The following ARHGAP15 variants were observed in gnomAD, a reference collection of about 807,000 sequenced individuals.
ARHGAP15 encodes the protein rho GTPase-activating protein 15.
Under a neutral mutation model 63.7 loss-of-function variants are expected in ARHGAP15, and 51 were observed. That is an observed-to-expected ratio of 0.80 (90% CI 0.64 to 1.01). The LOEUF (loss-of-function observed/expected upper bound fraction) is 1.01. ARHGAP15 is among the 50% of genes least tolerant of loss of function. The pLI is 0.00. For synonymous variants in ARHGAP15, 191 were observed against 193.8 expected (o/e 0.99, Z 0.12); for missense variants, 560 against 564.6 (o/e 0.99, Z 0.08).
At chr2:143,454,334 A>G (rs78726367) in intron 8 of ARHGAP15, among the ~76,000 whole-genome samples, 5 of 152,166 alleles carry the variant, frequency 3.3e-5, no homozygotes, top group Admixed American at 6.6e-5. Context: ...TACTCTTTCA[A>G]TATGCTAAGA....
intron 8 of ARHGAP15, among the ~76,000 whole-genome samples, chr2:143,447,605 G>T (rs1690203580): frequency 6.6e-6 from 1 of 152,160 alleles, no homozygotes. Context: ...GCAAGTGCCT[G>T]GAGGTATAAG....
At position 143,625,729 on chromosome 2, in the gene ARHGAP15, T is replaced by C. The variant is rs375331081; in HGVS notation, c.1138+1462T>C. ...GGAACACCCAAGCAACTTACAATGT[T>C]GGAACAGCGTTCTGGTAGGAAATTG... On this transcript the variant is annotated intron_variant, in intron 12 of 13. Transcript: ENST00000295095. Among the ~76,000 whole-genome samples, 6 of 152,206 alleles carry C rather than the reference T, an allele frequency of 3.9e-5. No individual in the cohort carries two copies. The East Asian group carries it at 5.8e-4, about 15-fold the overall frequency.
At chr2:143,320,421 C>CG (rs1265362730) in intron 6 of ARHGAP15, among the ~76,000 whole-genome samples, 3 of 106,704 alleles carry the variant, frequency 2.8e-5, no homozygotes, top group Non-Finnish European at 4.0e-5. Flanking sequence ...CCCCCCCCCC[C>CG]CAGAGATCCT....
At chr2:143,754,045 C>T (rs1422466507) in intron 13 of ARHGAP15, among the ~76,000 whole-genome samples, 3 of 152,312 alleles carry the variant, frequency 2.0e-5, no homozygotes, top group Admixed American at 1.3e-4. Flanking sequence ...ATTGTGCCAA[C>T]ATTAAAATTA....
intron 1 of ARHGAP15, among the ~76,000 whole-genome samples, chr2:143,151,230 T>G (rs969800684): frequency 6.6e-6 from 1 of 152,002 alleles, no homozygotes; most frequent in Admixed American, 6.6e-5. Flanking sequence ...TTGAGCAGGC[T>G]TTGCAATGGA....
intron 3 of ARHGAP15, among the ~76,000 whole-genome samples, chr2:143,209,557 TAAAA>T (rs3070816): frequency 2.2e-4 from 33 of 148,486 alleles, no homozygotes; most frequent in African/African-American, 6.9e-4. Flanking sequence ...TGTGCTATGA[TAAAA>T]AAAAAACAAG....
intron 11 of ARHGAP15, among the ~76,000 whole-genome samples, chr2:143,582,663 A>G (rs992670896): frequency 6.6e-6 from 1 of 152,220 alleles, no homozygotes. Context: ...TGGGAACAGT[A>G]GAACTAAAAG....
At chr2:143,721,483 G>A (rs1029345924) in intron 13 of ARHGAP15, among the ~76,000 whole-genome samples, 2 of 152,210 alleles carry the variant, frequency 1.3e-5, no homozygotes, top group African/African-American at 4.8e-5. Context: ...TCCAGCTGTA[G>A]TGCTGTGGCA....
At chr2:143,578,136 C>A (rs958841014) in intron 11 of ARHGAP15, among the ~76,000 whole-genome samples, 2 of 152,104 alleles carry the variant, frequency 1.3e-5, no homozygotes, top group African/African-American at 4.8e-5. Flanking sequence ...AAGGGGTAAT[C>A]ATGTCCAAGT....
chr2:143,671,154 T>C (rs1682503759), intron 12 of ARHGAP15, among the ~76,000 whole-genome samples: 1 of 152,256 alleles, frequency 6.6e-6, no homozygotes, highest in Non-Finnish European at 1.5e-5. Context: ...TGCAATATAA[T>C]GCAATGAAGA....
At chr2:143,570,023 A>G (rs1314491391) in intron 11 of ARHGAP15, among the ~76,000 whole-genome samples, 2 of 152,130 alleles carry the variant, frequency 1.3e-5, no homozygotes, top group Admixed American at 6.5e-5. Context: ...TCCCCAGGTC[A>G]ATTTTATTAT....
chr2:143,353,304 A>C (rs1028636179), intron 6 of ARHGAP15, among the ~76,000 whole-genome samples: 1 of 152,156 alleles, frequency 6.6e-6, no homozygotes, highest in Non-Finnish European at 1.5e-5. Context: ...AAAATTAAAT[A>C]ATAAAAGATT....
chr2:143,528,194 A>T (rs565640376), intron 10 of ARHGAP15, among the ~76,000 whole-genome samples: 1 of 152,164 alleles, frequency 6.6e-6, no homozygotes, highest in Non-Finnish European at 1.5e-5. Flanking sequence ...GCTGTTTTTA[A>T]TCAAGTAACT....
At chr2:143,481,411 A>G (rs1692073639) in intron 8 of ARHGAP15, among the ~76,000 whole-genome samples, 1 of 152,206 alleles carries the variant, frequency 6.6e-6, no homozygotes, top group Admixed American at 6.5e-5. Context: ...AATTTCAAAA[A>G]AAAAATAATA....
chr2:143,345,938 G>C (rs1374952632), intron 6 of ARHGAP15, among the ~76,000 whole-genome samples: 1 of 151,986 alleles, frequency 6.6e-6, no homozygotes, highest in Non-Finnish European at 1.5e-5. Context: ...AAATCCTTCT[G>C]TGGGCAGAGA....
At chr2:143,269,392 A>T (rs1270906727) in intron 6 of ARHGAP15, among the ~76,000 whole-genome samples, 1 of 152,192 alleles carries the variant, frequency 6.6e-6, no homozygotes, top group Admixed American at 6.5e-5. Flanking sequence ...CTTGCTCTTC[A>T]GTTCCTAAAT....
At chr2:143,436,845 CA>C (rs1215736099) in intron 7 of ARHGAP15, 67 bp from the exon 8 acceptor site, 25 of 1,549,784 alleles carry the variant, frequency 1.6e-5, no homozygotes, top group Admixed American at 2.1e-5. Flanking sequence ...CAAAATTGAA[CA>C]CAAAATTCTA....
intron 11 of ARHGAP15, among the ~76,000 whole-genome samples, chr2:143,586,919 C>T (rs891782499): frequency 6.6e-6 from 1 of 151,972 alleles, no homozygotes; most frequent in Non-Finnish European, 1.5e-5. Flanking sequence ...CTCTCTTTCT[C>T]TCCTCCTCCA....
chr2:143,692,310 G>A (rs907489245), intron 12 of ARHGAP15, among the ~76,000 whole-genome samples: 3 of 152,168 alleles, frequency 2.0e-5, no homozygotes, highest in Admixed American at 1.3e-4. Flanking sequence ...ACATAACAGC[G>A]GGGAAGCTTG....
Sources: gnomAD v4.1 joint callset for allele counts (sites outside exome capture counted in the v4.1 genomes callset) on GRCh38, gnomAD v4.1.1 for gene constraint, MANE v1.5 for transcripts, NCBI Gene and HGNC (gene_info 2026-07-23, HGNC 2026-07-21) for gene names.